The following PEX14 variants were observed in gnomAD, a reference collection of about 807,000 sequenced individuals.
PEX14 encodes the protein peroxisomal membrane protein PEX14.
A neutral mutation model predicts 49.5 loss-of-function variants in PEX14; 15 were observed. That is an observed-to-expected ratio of 0.30 (90% CI 0.20 to 0.47). The LOEUF is 0.47. Among genes scored for constraint, PEX14 ranks in the 20% least tolerant of loss-of-function variants. The pLI, the probability that PEX14 is intolerant of heterozygous loss-of-function variation, is 1.00. For synonymous variants in PEX14, 210 were observed against 212.7 expected (o/e 0.99, Z 0.11); for missense variants, 398 against 494.8 (o/e 0.80, Z 1.86).
chr1:10,616,952 A>G (rs916429109), intron 4 of PEX14: 13 of 151,720 alleles, frequency 8.6e-5, no homozygotes, highest in Non-Finnish European at 1.5e-4. Flanking sequence ...GTTCTGCACT[A>G]AGTTCTGCAT....
Position 10,543,506 on chromosome 1 carries a change from T to C in PEX14, c.169+7209T>C, listed in dbSNP as rs1639078523. ...AAAAGAGCAGGAAGGCCTTCGTTAGTGAGGGGAGGCTCAGGCAGAGACGCA... is the reference window on the plus strand; with the variant it reads ...AAAAGAGCAGGAAGGCCTTCGTTAGCGAGGGGAGGCTCAGGCAGAGACGCA... On this transcript the variant is annotated intron_variant, in intron 3 of 8. Coordinates refer to ENST00000356607, the MANE Select transcript of PEX14 (RefSeq NM_004565.3). Among the ~76,000 whole-genome samples, 6 of 152,114 alleles carry C rather than the reference T, an allele frequency of 3.9e-5. No homozygotes were observed. The South Asian group carries it at 1.2e-3, about 32-fold the overall frequency.
chr1:10,512,389 CT>C lies in PEX14; in HGVS notation c.84+17069del, dbSNP rs1402466847. 6.6e-6 allele frequency among the ~76,000 whole-genome samples: 1 copy of C among 152,136 alleles called. No homozygotes were observed. The highest frequency in any genetic ancestry group is 6.5e-5 in the Admixed American group (1 of 15,278). On this transcript the variant is annotated intron_variant, in intron 2 of 8. Coordinates refer to ENST00000356607, the MANE Select transcript of PEX14 (RefSeq NM_004565.3). The surrounding 1 kb of genome is among the most constrained non-coding windows in gnomAD (Gnocchi z 4.6). The stretch of plus-strand genomic sequence containing the variant: ...TGAGCATTGCTGGGTGTTGAAACAC[CT>C]GGCCAGGGAAACAGAGACTTCTGTG...
intron 2 of PEX14, among the ~76,000 whole-genome samples, chr1:10,505,206 A>T (rs1641760268): frequency 6.6e-6 from 1 of 152,212 alleles, no homozygotes; most frequent in Non-Finnish European, 1.5e-5. Context: ...ATGGTGGCTC[A>T]CACCTGTAAT....
At chr1:10,575,945 A>C (rs1276579136) in intron 3 of PEX14, among the ~76,000 whole-genome samples, 1 of 152,166 alleles carries the variant, frequency 6.6e-6, no homozygotes, top group African/African-American at 2.4e-5. Context: ...AAAAATGACC[A>C]AGTAGCAACA....
chr1:10,513,466 G>A (rs944342664), intron 2 of PEX14, among the ~76,000 whole-genome samples: 2 of 152,176 alleles, frequency 1.3e-5, no homozygotes, highest in South Asian at 2.1e-4. Flanking sequence ...GTTTCTGGCC[G>A]TTTTAATTGA....
intron 3 of PEX14, among the ~76,000 whole-genome samples, chr1:10,598,458 A>C (rs770681003): frequency 3.3e-5 from 5 of 152,038 alleles, no homozygotes; most frequent in Non-Finnish European, 5.9e-5. Flanking sequence ...TTTGCCTTTT[A>C]TTCTTCTGTG....
At chr1:10,587,893 T>C (rs12040956) in intron 3 of PEX14, among the ~76,000 whole-genome samples, 2 of 115,282 alleles carry the variant, frequency 1.7e-5, no homozygotes, top group African/African-American at 3.2e-5. Flanking sequence ...TACACACATG[T>C]GCTTTTTTTT....
intron 7 of PEX14, among the ~76,000 whole-genome samples, chr1:10,625,291 C>T (rs1280835522): frequency 6.6e-6 from 1 of 152,130 alleles, no homozygotes; most frequent in African/African-American, 2.4e-5. Context: ...TCCAGAACAC[C>T]CACTGGCTCC....
intron 4 of PEX14, among the ~76,000 whole-genome samples, chr1:10,604,492 G>T (rs1204265155): frequency 6.6e-6 from 1 of 152,108 alleles, no homozygotes; most frequent in Non-Finnish European, 1.5e-5. Context: ...AGGCATGGTG[G>T]TGCGTGTACT....
intron 2 of PEX14, among the ~76,000 whole-genome samples, chr1:10,496,644 G>C (rs1641569980): frequency 6.6e-6 from 1 of 152,098 alleles, no homozygotes; most frequent in Non-Finnish European, 1.5e-5. Context: ...AGCTCTTTGG[G>C]AGCCCTGAGC....
chr1:10,622,781 A>G (rs1570365878), intron 5 of PEX14, among the ~76,000 whole-genome samples: 1 of 152,248 alleles, frequency 6.6e-6, no homozygotes, highest in East Asian at 1.9e-4. Flanking sequence ...CAGCAGATCC[A>G]GCTGACTCTC....
intron 2 of PEX14, among the ~76,000 whole-genome samples, chr1:10,518,027 G>T (rs917309904): frequency 5.9e-5 from 9 of 151,940 alleles, no homozygotes; most frequent in Admixed American, 2.0e-4. Flanking sequence ...TGAACCCTGA[G>T]TTACAAACAG....
chr1:10,516,406 C>G (rs1039304255), intron 2 of PEX14, among the ~76,000 whole-genome samples: 1 of 152,268 alleles, frequency 6.6e-6, no homozygotes, highest in Non-Finnish European at 1.5e-5. Context: ...GCTGTGGGAC[C>G]CACTAGGTTT....
intron 3 of PEX14, among the ~76,000 whole-genome samples, chr1:10,567,159 T>C (rs1267044402): frequency 6.6e-6 from 1 of 152,144 alleles, no homozygotes; most frequent in Non-Finnish European, 1.5e-5. Context: ...TTTTTTTGCC[T>C]CCTAACTTTA....
At chr1:10,610,372 T>C (rs7538481) in intron 4 of PEX14, among the ~76,000 whole-genome samples, 92,989 of 128,718 alleles carry the variant, frequency 0.72, 31,616 homozygotes, top group Admixed American at 0.79. Flanking sequence ...TATATATATA[T>C]ACACACACAC....
At chr1:10,487,481 CTTTTTTTTT>C (rs33968565) in intron 1 of PEX14, among the ~76,000 whole-genome samples, 1 of 86,756 alleles carries the variant, frequency 1.2e-5, no homozygotes, top group Non-Finnish European at 2.1e-5. Flanking sequence ...TTCTTTCTTT[CTTTTTTTTT>C]TTTTTTTTTT....
chr1:10,501,767 A>AT (rs2124416345), intron 2 of PEX14, among the ~76,000 whole-genome samples: 1 of 152,262 alleles, frequency 6.6e-6, no homozygotes, highest in South Asian at 2.1e-4. Flanking sequence ...ATTAAAAAAA[A>AT]TTTAGCCAGA....
chr1:10,590,402 G>GT (rs1404763677), intron 3 of PEX14, among the ~76,000 whole-genome samples: 1 of 152,138 alleles, frequency 6.6e-6, no homozygotes, highest in African/African-American at 2.4e-5. Flanking sequence ...TTTCTTTTTT[G>GT]TTTTTTGTGT....
intron 4 of PEX14, chr1:10,617,195 A>G (rs906384333): frequency 6.6e-6 from 1 of 152,140 alleles, no homozygotes; most frequent in Non-Finnish European, 1.5e-5. Flanking sequence ...CCTTCACAGC[A>G]GCAGCAATGT....
Sources: allele counts gnomAD v4.1 joint callset (sites outside exome capture counted in the v4.1 genomes callset), GRCh38; gene constraint gnomAD v4.1.1; non-coding constraint Gnocchi (gnomAD v3.1); transcripts MANE v1.5; gene names NCBI Gene and HGNC (gene_info 2026-07-23, HGNC 2026-07-21).